The following ADGRV1 variants were observed in gnomAD, a reference collection of about 807,000 sequenced individuals.
The protein encoded by ADGRV1 is adhesion G protein-coupled receptor V1, also known as G-protein coupled receptor 98.
ADGRV1 carries 359 observed loss-of-function variants against 596.2 expected under a neutral mutation model. The observed-to-expected ratio is 0.60, with a 90% confidence interval of 0.55 to 0.66. The LOEUF (loss-of-function observed/expected upper bound fraction) is 0.66, where lower values mean the gene tolerates loss of function less well. ADGRV1 is among the 30% of genes least tolerant of loss of function. The pLI is 0.00. For synonymous variants in ADGRV1, 2,681 were observed against 2,679.2 expected (o/e 1.00, Z -0.02); for missense variants, 7,274 against 7,575.6 (o/e 0.96, Z 1.48).
intron 25 of ADGRV1, among the ~76,000 whole-genome samples, chr5:90,676,512 C>T (rs953690727): frequency 2.0e-5 from 3 of 152,022 alleles, no homozygotes; most frequent in Admixed American, 1.3e-4. Flanking sequence ...AATTAATATT[C>T]AACTCATAGT....
intron 83 of ADGRV1, among the ~76,000 whole-genome samples, chr5:90,938,652 T>C (rs1446153621): frequency 6.6e-6 from 1 of 152,218 alleles, no homozygotes; most frequent in Non-Finnish European, 1.5e-5. Context: ...CACTGCTCTA[T>C]GCACTGGATA....
intron 83 of ADGRV1, among the ~76,000 whole-genome samples, chr5:90,921,816 T>C (rs977425302): frequency 1.2e-4 from 18 of 150,312 alleles, no homozygotes; most frequent in Non-Finnish European, 2.1e-4. Flanking sequence ...TTTTTTTTTT[T>C]CTACAAGAGT....
chr5:90,895,268 T>C (rs1771200623), intron 83 of ADGRV1, among the ~76,000 whole-genome samples: 2 of 152,146 alleles, frequency 1.3e-5, no homozygotes, highest in African/African-American at 4.8e-5. Context: ...AGTAAATACC[T>C]TGGCATTTGA....
intron 89 of ADGRV1, among the ~76,000 whole-genome samples, chr5:91,156,909 T>G (rs1230769785): frequency 6.6e-6 from 1 of 152,230 alleles, no homozygotes; most frequent in African/African-American, 2.4e-5. Context: ...CCATATAACA[T>G]CTTAACATTT....
In ADGRV1 at chr5:90,822,676, G is replaced by T. The variant is rs185271901; in HGVS notation, c.16197-749G>T. Among the ~76,000 whole-genome samples, 586 of 152,234 alleles carry T rather than the reference G, an allele frequency of 3.8e-3. 4 individuals are homozygous for T. The highest frequency in any genetic ancestry group is 0.014 in the African/African-American group (562 of 41,546). The stretch of plus-strand genomic sequence containing the variant: ...TCCAATTCTGTGAAGAAAGTCATTG[G>T]TAGCTTGATGGGGTTGGCATTGAAT... On this transcript the variant is annotated intron_variant, in intron 75 of 89. Transcript: ENST00000405460.
intron 87 of ADGRV1, among the ~76,000 whole-genome samples, chr5:91,104,127 T>C (rs1791637097): frequency 6.6e-6 from 1 of 152,140 alleles, no homozygotes; most frequent in Non-Finnish European, 1.5e-5. Context: ...TGGGATGACA[T>C]GTTTGTACTG....
At chr5:91,055,635 C>T (rs149049457) in intron 85 of ADGRV1, among the ~76,000 whole-genome samples, 174 of 152,324 alleles carry the variant, frequency 1.1e-3, no homozygotes, top group African/African-American at 4.1e-3. Context: ...TCAGAGTTCA[C>T]ATCGGTAAGC....
At chr5:90,984,466 A>G (rs931242159) in intron 84 of ADGRV1, among the ~76,000 whole-genome samples, 1 of 151,922 alleles carries the variant, frequency 6.6e-6, no homozygotes, top group Non-Finnish European at 1.5e-5. Flanking sequence ...CAGTTTTCTT[A>G]CTCTTATTTA....
chr5:90,576,592 A>G (rs1353427449), intron 1 of ADGRV1, among the ~76,000 whole-genome samples: 1 of 152,212 alleles, frequency 6.6e-6, no homozygotes, highest in Admixed American at 6.5e-5. Context: ...ATGTGTCTTT[A>G]TAGTAGCATG....
chr5:90,724,073 A>G (rs1049096902), intron 45 of ADGRV1, among the ~76,000 whole-genome samples: 12 of 152,136 alleles, frequency 7.9e-5, no homozygotes, highest in Admixed American at 2.6e-4. Flanking sequence ...GATAGGCATA[A>G]TTTCAAATTT....
At chr5:90,925,779 A>C (rs2150766385) in intron 83 of ADGRV1, among the ~76,000 whole-genome samples, 1 of 133,960 alleles carries the variant, frequency 7.5e-6, no homozygotes, top group East Asian at 2.1e-4. Context: ...TGTCATAGAT[A>C]GCTCTTATTA....
intron 85 of ADGRV1, among the ~76,000 whole-genome samples, chr5:90,985,795 A>G (rs1268825207): frequency 6.6e-6 from 1 of 152,138 alleles, no homozygotes; most frequent in Non-Finnish European, 1.5e-5. Context: ...GAGCAAACTA[A>G]TATTTAGCAA....
At chr5:90,668,657 A>G (rs1303130053) in intron 21 of ADGRV1, among the ~76,000 whole-genome samples, 2 of 151,932 alleles carry the variant, frequency 1.3e-5, no homozygotes, top group Non-Finnish European at 2.9e-5. Flanking sequence ...TTTTTAATGG[A>G]CGCTTGACAT....
intron 83 of ADGRV1, among the ~76,000 whole-genome samples, chr5:90,908,243 TG>T (rs1202292428): frequency 6.6e-6 from 1 of 152,172 alleles, no homozygotes; most frequent in Non-Finnish European, 1.5e-5. Context: ...TTTTAATTTT[TG>T]TGGGTGCATA....
intron 1 of ADGRV1, among the ~76,000 whole-genome samples, chr5:90,567,197 G>C (rs1195547175): frequency 6.6e-6 from 1 of 151,932 alleles, no homozygotes; most frequent in East Asian, 1.9e-4. Flanking sequence ...ACTGGATTTG[G>C]TTTGCTAGTA....
chr5:90,924,352 G>A (rs1774200862), intron 83 of ADGRV1, among the ~76,000 whole-genome samples: 1 of 151,828 alleles, frequency 6.6e-6, no homozygotes, highest in African/African-American at 2.4e-5. Flanking sequence ...ATCTCATTGT[G>A]GTTTTGATTT....
At chr5:90,976,216 G>A (rs58853660) in intron 84 of ADGRV1, among the ~76,000 whole-genome samples, 32,840 of 139,158 alleles carry the variant, frequency 0.24, 5,252 homozygotes, top group East Asian at 0.5. Flanking sequence ...GTGTGAGTGT[G>A]TATATATATA....
Position 90,692,635 on chromosome 5 carries a change from G to A in ADGRV1, c.6982G>A (p.Gly2328Ser), listed in dbSNP as rs1170046709. 6.2e-7 allele frequency: 1 copy of A among 1,610,536 alleles called. No homozygotes were observed. Among genetic ancestry groups the A allele is most frequent in the South Asian group, 1.1e-5 (1 of 90,342 alleles). ...CCAAGTGCAACTAACTGATGCCTCT[G>A]GTGGAGGTACTATTGGGTTAGATCG... ...VIQVQLTDAS[G>S]GGTIGLDRIA... Residue 2328 changes from glycine (G) to serine (S), a missense_variant, in exon 32 of 90, where the codon GGT becomes AGT. This residue lies in a region of ADGRV1 where 3,643 missense variants were observed against 3,809.2 expected (regional missense o/e 0.96). Transcript: ENST00000405460.
At chr5:90,975,649 A>G (rs1297902247) in intron 84 of ADGRV1, among the ~76,000 whole-genome samples, 2 of 152,184 alleles carry the variant, frequency 1.3e-5, no homozygotes, top group African/African-American at 4.8e-5. Flanking sequence ...TAGGAATTGA[A>G]CAATGAGAAC....
Sources: allele counts gnomAD v4.1 joint callset (sites outside exome capture counted in the v4.1 genomes callset), GRCh38; gene constraint gnomAD v4.1.1; regional missense constraint gnomAD v4.1.1; transcripts MANE v1.5; gene names NCBI Gene and HGNC (gene_info 2026-07-23, HGNC 2026-07-21).